MTHFD2L: variants seen among roughly 807,000 people sequenced by gnomAD.
MTHFD2L encodes the protein methylenetetrahydrofolate dehydrogenase (NADP+ dependent) 2 like, also known as bifunctional methylenetetrahydrofolate dehydrogenase/cyclohydrolase 2, mitochondrial.
Under a neutral mutation model 34.9 loss-of-function variants are expected in MTHFD2L, and 29 were observed. The ratio of observed to expected loss-of-function variants is 0.83; its 90% CI spans 0.62 to 1.13. The LOEUF is 1.13. MTHFD2L is among the 50% of genes most tolerant of loss of function. MTHFD2L has a pLI of 0.00. For synonymous variants in MTHFD2L, 167 were observed against 155.7 expected, an observed-to-expected ratio of 1.07 and a Z score of -0.54; for missense variants, 481 against 446.5, an observed-to-expected ratio of 1.08 and a Z score of -0.70.
intron 3 of MTHFD2L, among the ~76,000 whole-genome samples, chr4:74,175,866 A>G (rs1407797019): frequency 6.6e-6 from 1 of 152,104 alleles, no homozygotes; most frequent in Non-Finnish European, 1.5e-5. Flanking sequence ...GAGAAAGTGT[A>G]TGATATCTTT....
chr4:74,300,885 T>C (rs1280436864), intron 7 of MTHFD2L, among the ~76,000 whole-genome samples: 1 of 152,108 alleles, frequency 6.6e-6, no homozygotes, highest in African/African-American at 2.4e-5. Context: ...AGCCTATATT[T>C]GGACAAATAA....
intron 6 of MTHFD2L, among the ~76,000 whole-genome samples, chr4:74,275,467 T>C (rs1195446486): frequency 1.3e-5 from 2 of 152,158 alleles, no homozygotes; most frequent in Non-Finnish European, 2.9e-5. Flanking sequence ...TACCCAGTAA[T>C]GGGATTGCTG....
chr4:74,238,006 A>G (rs1741102410), intron 6 of MTHFD2L, among the ~76,000 whole-genome samples: 1 of 152,236 alleles, frequency 6.6e-6, no homozygotes, highest in African/African-American at 2.4e-5. Flanking sequence ...TGTTGCAGAC[A>G]ATGTGTTGAC....
chr4:74,163,423 C>A (rs62312469), intron 1 of MTHFD2L, among the ~76,000 whole-genome samples: 32 of 152,274 alleles, frequency 2.1e-4, no homozygotes, highest in Non-Finnish European at 3.7e-4. Context: ...AAGGTTCTTT[C>A]TGACAAAGTT....
rs560845330 is a variant in MTHFD2L at position 74,269,795 on chromosome 4, G to A, written c.806-11630G>A. 7.9e-5 allele frequency among the ~76,000 whole-genome samples: 12 copies of A among 152,150 alleles called. No homozygotes were observed. In the East Asian group the frequency reaches 9.6e-4, roughly 12 times the overall value. ...AATTTGAAATTATTTAGGTCCAGGC[G>A]GAAGACTTGTCAAAAGTGTGATAGT... On this transcript the variant is annotated intron_variant, in intron 6 of 7. Transcript: ENST00000325278.
At chr4:74,255,134 TC>T (rs1214479503) in intron 6 of MTHFD2L, among the ~76,000 whole-genome samples, 34 of 21,746 alleles carry the variant, frequency 1.6e-3, no homozygotes, top group Admixed American at 5.2e-3. Flanking sequence ...AGACTCCATC[TC>T]CAAAAAAAAA....
intron 1 of MTHFD2L, among the ~76,000 whole-genome samples, chr4:74,126,955 T>C (rs989960830): frequency 1.6e-4 from 24 of 152,036 alleles, no homozygotes; most frequent in Non-Finnish European, 1.8e-4. Context: ...TGGGGGCGAT[T>C]TCCCCCATGT....
At chr4:74,291,031 T>G in intron 7 of MTHFD2L, among the ~76,000 whole-genome samples, 1 of 111,884 alleles carries the variant, frequency 8.9e-6, no homozygotes, top group Non-Finnish European at 1.8e-5. Flanking sequence ...TTTTTTTTTT[T>G]TTTTGAGATG....
At chr4:74,257,337 G>A (rs6854203) in intron 6 of MTHFD2L, among the ~76,000 whole-genome samples, 37,760 of 151,696 alleles carry the variant, frequency 0.25, 4,879 homozygotes, top group African/African-American at 0.32. Context: ...ACATAAGGCG[G>A]ATGAAAAAAT....
In MTHFD2L at chr4:74,175,415, T is replaced by C. The variant is rs1486231516; in HGVS notation, c.451+12T>C. The C allele has an allele frequency of 6.3e-6, 10 of 1,595,186 alleles. No individual in the cohort carries two copies. Among genetic ancestry groups the C allele is most frequent in the Non-Finnish European group, 8.5e-6 (10 of 1,173,246 alleles). On this transcript the variant is annotated intron_variant, in intron 3 of 7. Transcript: ENST00000325278. ...GTTACCACTACCAGGTACATAATGC[T>C]CCTCTTATTTATCTGATTTTGTTAA...
intron 1 of MTHFD2L, among the ~76,000 whole-genome samples, chr4:74,142,917 C>T (rs918022611): frequency 2.6e-5 from 4 of 152,270 alleles, no homozygotes; most frequent in African/African-American, 9.6e-5. Flanking sequence ...CTGTTCCAAC[C>T]AATGACATAG....
At chr4:74,250,725 A>G (rs1743185790) in intron 6 of MTHFD2L, among the ~76,000 whole-genome samples, 5 of 152,178 alleles carry the variant, frequency 3.3e-5, no homozygotes, top group Admixed American at 3.3e-4. Flanking sequence ...AAATCCAGTC[A>G]GTTATTATAT....
At chr4:74,287,162 C>A (rs757296546) in intron 7 of MTHFD2L, among the ~76,000 whole-genome samples, 5 of 152,094 alleles carry the variant, frequency 3.3e-5, no homozygotes, top group Non-Finnish European at 7.4e-5. Context: ...ACTCCTCTAG[C>A]GCAACTGACA....
intron 6 of MTHFD2L, among the ~76,000 whole-genome samples, chr4:74,275,030 T>A (rs1294175751): frequency 6.6e-6 from 1 of 152,130 alleles, no homozygotes; most frequent in Non-Finnish European, 1.5e-5. Flanking sequence ...GCCATGGTGG[T>A]TTGCTGCACC....
At chr4:74,256,531 T>G (rs764332232) in intron 6 of MTHFD2L, among the ~76,000 whole-genome samples, 8 of 152,218 alleles carry the variant, frequency 5.3e-5, no homozygotes, top group Non-Finnish European at 1.0e-4. Flanking sequence ...GTTTGAGGCC[T>G]TATATTTAAA....
chr4:74,295,354 G>A (rs1749500919), intron 7 of MTHFD2L, among the ~76,000 whole-genome samples: 1 of 151,980 alleles, frequency 6.6e-6, no homozygotes, highest in African/African-American at 2.4e-5. Context: ...TCCCTGCTCA[G>A]GTGTCCATCA....
At chr4:74,173,234 A>G (rs1728363952) in intron 1 of MTHFD2L, among the ~76,000 whole-genome samples, 1 of 152,218 alleles carries the variant, frequency 6.6e-6, no homozygotes, top group Non-Finnish European at 1.5e-5. Flanking sequence ...AGAGCAATGT[A>G]ATTCACCACT....
At chr4:74,148,419 GCT>G (rs1389395654) in intron 1 of MTHFD2L, among the ~76,000 whole-genome samples, 2 of 145,492 alleles carry the variant, frequency 1.4e-5, no homozygotes, top group East Asian at 4.0e-4. Flanking sequence ...ACAGAGTTTT[GCT>G]CTGTTGCCCA....
chr4:74,237,510 G>A (rs569633989), intron 6 of MTHFD2L, among the ~76,000 whole-genome samples: 2 of 152,244 alleles, frequency 1.3e-5, no homozygotes, highest in South Asian at 2.1e-4. Context: ...TTAGCTGGGC[G>A]TGGTGGTGCA....
Sources: allele counts gnomAD v4.1 joint callset (sites outside exome capture counted in the v4.1 genomes callset), GRCh38; gene constraint gnomAD v4.1.1; transcripts MANE v1.5; gene names NCBI Gene and HGNC (gene_info 2026-07-23, HGNC 2026-07-21).